Variants in SEMA3A observed in about 807,000 individuals in gnomAD.
The protein encoded by SEMA3A is semaphorin 3A, also known as semaphorin-3A.
Under a neutral mutation model 97.9 loss-of-function variants are expected in SEMA3A, and 29 were observed. The observed-to-expected ratio is 0.30, with a 90% CI of 0.22 to 0.40. The LOEUF is 0.40. SEMA3A is among the 10% of genes least tolerant of loss of function. The probability of loss-of-function intolerance (pLI) is 1.00; values close to 1 mark genes in which losing one functional copy is unlikely to be tolerated. For missense variants in SEMA3A, 763 were observed against 951.3 expected, an observed-to-expected ratio of 0.80 and a Z score of 2.60; for synonymous variants, 321 against 323.7, an observed-to-expected ratio of 0.99 and a Z score of 0.09.
intron 1 of SEMA3A, among the ~76,000 whole-genome samples, chr7:84,171,234 T>C (rs566490659): frequency 2.0e-3 from 300 of 152,266 alleles, no homozygotes; most frequent in Non-Finnish European, 3.2e-3. Context: ...TTAAGTTTCA[T>C]GTTGTGATGA....
intron 6 of SEMA3A, among the ~76,000 whole-genome samples, chr7:84,030,589 T>C (rs1791705961): frequency 1.3e-5 from 2 of 152,206 alleles, no homozygotes; most frequent in Admixed American, 1.3e-4. Context: ...TCCACAGTCA[T>C]ATCTCACTCA....
rs2116246935 is a variant in SEMA3A, at chr7:83,961,530, A to T, written c.2157T>A (p.Asp719Glu). The T allele has an allele frequency of 6.2e-7, 1 of 1,614,080 alleles. No homozygotes were observed. Among genetic ancestry groups the T allele is most frequent in the Non-Finnish European group, 8.5e-7 (1 of 1,179,972 alleles). The change falls in exon 17 of 17, where the codon GAT becomes GAA. Residue 719 changes from aspartate (D) to glutamate (E), a missense_variant. Asp to Glu is a conservative substitution (Grantham distance 45). This residue lies in a region of SEMA3A where 678 missense variants were observed against 881.3 expected (regional missense o/e 0.77). Transcript: ENST00000265362. ...TTTTCCAAACTTGTTCACAGAACTC[A>T]TCCATTGTGTTGAGATTGGGGTGGT... ...LINHPNLNTM[D>E]EFCEQVWKRD... is the part of the protein sequence containing the mutation.
At chr7:84,407,935 A>C (rs2116238869) in intron 1 of SEMA3A, among the ~76,000 whole-genome samples, 1 of 152,346 alleles carries the variant, frequency 6.6e-6, no homozygotes, top group Admixed American at 6.5e-5. Context: ...TAAAACCATA[A>C]AAACCCTAGA....
At chr7:84,347,466 CA>C (rs1802329929) in intron 2 of SEMA3A, among the ~76,000 whole-genome samples, 2 of 147,164 alleles carry the variant, frequency 1.4e-5, no homozygotes, top group Non-Finnish European at 3.0e-5. Context: ...GGCTGGAGTG[CA>C]ATGGCGCGAT....
At position 83,996,536 on chromosome 7, in the gene SEMA3A, C is replaced by A. The variant is rs191634289; in HGVS notation, c.1452+5419G>T. On this transcript the variant is annotated intron_variant, in intron 12 of 16. Transcript: ENST00000265362. ...CAGGCTGGTCTCAAACTCCTGACTT[C>A]GTGATCCACCTACCTGGGCCTCCCA... Among the ~76,000 whole-genome samples, 464 of 152,102 alleles carry A rather than the reference C, an allele frequency of 3.1e-3. 2 individuals are homozygous for A. The highest frequency in any genetic ancestry group is 0.01 in the African/African-American group (432 of 41,490).
chr7:84,067,770 A>C (rs1793579322), intron 4 of SEMA3A, among the ~76,000 whole-genome samples: 2 of 150,208 alleles, frequency 1.3e-5, no homozygotes, highest in South Asian at 4.2e-4. Flanking sequence ...AAGTCAGGAA[A>C]CAACAGGTGC....
At position 83,994,410 on chromosome 7, in the gene SEMA3A, A is replaced by G. The variant is rs1311382849; in HGVS notation, c.1452+7545T>C. On this transcript the variant is annotated intron_variant, in intron 12 of 16. Coordinates refer to ENST00000265362, the MANE Select transcript of SEMA3A (RefSeq NM_006080.3). ...AGGTGCTCTGCTTTTTAGAGTTTCC[A>G]GTTTTTCTGCTCTGTTTTTTCCCCA... 3.3e-5 allele frequency among the ~76,000 whole-genome samples: 4 copies of G among 119,844 alleles called. 1 individual carries two copies. The highest frequency in any genetic ancestry group is 9.3e-5 in the Admixed American group (1 of 10,726). 78.6% of individuals were successfully genotyped at this position (119,844 alleles called of 152,430 possible).
intron 1 of SEMA3A, among the ~76,000 whole-genome samples, chr7:84,471,938 C>A (rs1243529208): frequency 6.9e-6 from 1 of 145,390 alleles, no homozygotes; most frequent in Non-Finnish European, 1.5e-5. Context: ...TTTTTTTTTT[C>A]TTTTGGTATC....
intron 4 of SEMA3A, among the ~76,000 whole-genome samples, chr7:84,081,836 T>G (rs1196300836): frequency 6.6e-6 from 1 of 152,060 alleles, no homozygotes; most frequent in Non-Finnish European, 1.5e-5. Context: ...GTAACATAAA[T>G]ATGCATATGA....
intron 3 of SEMA3A, among the ~76,000 whole-genome samples, chr7:84,278,461 C>G (rs886416230): frequency 6.6e-6 from 1 of 152,146 alleles, no homozygotes; most frequent in Non-Finnish European, 1.5e-5. Context: ...TAAAGCAACA[C>G]TCCATTCCTT....
chr7:84,052,660 CA>C (rs746102564), intron 5 of SEMA3A, among the ~76,000 whole-genome samples: 7 of 152,026 alleles, frequency 4.6e-5, no homozygotes, highest in Admixed American at 1.3e-4. Flanking sequence ...TTCAAAAAAC[CA>C]GCTCCTGGAT....
intron 3 of SEMA3A, among the ~76,000 whole-genome samples, chr7:84,245,807 T>C (rs1799463947): frequency 6.6e-6 from 1 of 152,020 alleles, no homozygotes; most frequent in Admixed American, 6.6e-5. Flanking sequence ...CTGGGAGGTA[T>C]CTCTCAGTCA....
chr7:83,963,270 G>C lies in SEMA3A; in HGVS notation c.1795C>G (p.Pro599Ala). 2 of 1,613,672 alleles carry C rather than the reference G, an allele frequency of 1.2e-6. No individual in the cohort carries two copies. Among genetic ancestry groups the C allele is most frequent in the Non-Finnish European group, 1.7e-6 (2 of 1,179,986 alleles). The change falls in exon 16 of 17, where the codon CCG becomes GCG. Residue 599 changes from proline (P) to alanine (A), a missense_variant. Pro to Ala is a conservative substitution (Grantham distance 27). Around this residue, in one of 2 missense-constraint regions of SEMA3A, gnomAD observed 678 missense variants for 881.3 expected, o/e 0.77. Coordinates refer to ENST00000265362, the MANE Select transcript of SEMA3A (RefSeq NM_006080.3). ...ENSSTFLECSPKSQRALVYWQ... is the reference protein window; with the variant it reads ...ENSSTFLECSAKSQRALVYWQ... ...TAGACCAGCGCTCTCTGCGACTTCG[G>C]ACTGCATTCCAAAAATGTGCTACTA...
At chr7:84,296,420 T>C (rs1440782021) in intron 3 of SEMA3A, among the ~76,000 whole-genome samples, 2 of 152,164 alleles carry the variant, frequency 1.3e-5, no homozygotes, top group Non-Finnish European at 2.9e-5. Flanking sequence ...GGAAGGATAT[T>C]TGTTTTACAT....
intron 1 of SEMA3A, among the ~76,000 whole-genome samples, chr7:84,468,720 C>T (rs986513494): frequency 6.6e-6 from 1 of 151,974 alleles, no homozygotes; most frequent in African/African-American, 2.4e-5. Flanking sequence ...TTCTTACCTT[C>T]ATGTTCAGTA....
At position 84,014,347 on chromosome 7, in the gene SEMA3A, T is replaced by C. The variant is rs758654607; in HGVS notation, c.672A>G (p.Pro224=). The change falls in exon 7 of 17, where the codon CCA becomes CCG. Residue 224 remains proline, a synonymous_variant. Transcript: ENST00000265362. ...AGATGAGGTGGGCACTAATGAACTTTGGATCTGAGAGACAAATAATAGCGT... is the reference window on the plus strand; with the variant it reads ...AGATGAGGTGGGCACTAATGAACTTCGGATCTGAGAGACAAATAATAGCGT... The part of the protein sequence containing the change: ...EQHDSRWLND[P]KFISAHLISE... The C allele has an allele frequency of 5.6e-6, 9 of 1,606,708 alleles. 1 individual carries two copies. The highest frequency in any genetic ancestry group is 1.7e-4 in the Middle Eastern group (1 of 6,058).
Position 84,063,196 on chromosome 7 carries a change from G to A in SEMA3A, c.454-2638C>T, listed in dbSNP as rs1334149975. Among the ~76,000 whole-genome samples, 362 of 151,724 alleles carry A rather than the reference G, an allele frequency of 2.4e-3. 2 individuals carry two copies. The highest frequency in any genetic ancestry group is 8.2e-3 in the African/African-American group (340 of 41,402). ...CATGGCAGGGTATTCCAACAGACCT[G>A]CAGCTGAGGGTCCTGTCTGTTAGAA... On this transcript the variant is annotated intron_variant, in intron 4 of 16. Coordinates refer to ENST00000265362, the MANE Select transcript of SEMA3A (RefSeq NM_006080.3).
chr7:83,965,643 TATATATATATATATATA>T (rs1562943427), intron 15 of SEMA3A, among the ~76,000 whole-genome samples: 7 of 9,274 alleles, frequency 7.5e-4, no homozygotes, highest in Non-Finnish European at 1.5e-3. Context: ...TATATATATA[TATATATATATATATATA>T]TATATATTTT....
At chr7:84,066,908 T>C (rs1444806043) in intron 4 of SEMA3A, among the ~76,000 whole-genome samples, 1 of 152,108 alleles carries the variant, frequency 6.6e-6, no homozygotes, top group Non-Finnish European at 1.5e-5. Context: ...CTTCACAGAA[T>C]TGGAAAAAAC....
Sources: allele counts gnomAD v4.1 joint callset (sites outside exome capture counted in the v4.1 genomes callset), GRCh38; gene constraint gnomAD v4.1.1; regional missense constraint gnomAD v4.1.1; transcripts MANE v1.5; gene names NCBI Gene and HGNC (gene_info 2026-07-23, HGNC 2026-07-21).